TERF2: variants seen among roughly 807,000 people sequenced by gnomAD.
The protein encoded by TERF2 is telomeric repeat binding factor 2.
TERF2 carries 16 observed loss-of-function variants against 56.1 expected under a neutral mutation model. That is an observed-to-expected ratio of 0.29 (90% CI 0.19 to 0.43). The LOEUF is 0.43. Among genes scored for constraint, TERF2 ranks in the 20% least tolerant of loss-of-function variants. The pLI, the probability that TERF2 is intolerant of heterozygous loss-of-function variation, is 1.00. For missense variants in TERF2, 547 were observed against 712.9 expected, an observed-to-expected ratio of 0.77 and a Z score of 2.65; for synonymous variants, 296 against 282.1, an observed-to-expected ratio of 1.05 and a Z score of -0.50.
chr16:69,383,498 C>T lies in TERF2; in HGVS notation c.606+1082G>A, dbSNP rs2014078565. Among the ~76,000 whole-genome samples, 6 of 152,320 alleles carry T rather than the reference C, an allele frequency of 3.9e-5. No individual in the cohort carries two copies. The South Asian group carries it at 1.2e-3, about 32-fold the overall frequency. ...TTCTCCTCCCTTGATAATGTCTATT[C>T]TGGCATATGCCTCCCCTCAACCTAA... On this transcript the variant is annotated intron_variant, in intron 3 of 9. Transcript: ENST00000254942.
chr16:69,385,315 C>T (rs976768966), intron 2 of TERF2, 76 bp downstream of exon 2: 2 of 1,276,024 alleles, frequency 1.6e-6, no homozygotes, highest in African/African-American at 2.9e-5. Context: ...ACCTGGAATC[C>T]TTCAGTTCTA....
At chr16:69,371,014 C>T (rs1022577352) in intron 4 of TERF2, among the ~76,000 whole-genome samples, 1 of 151,154 alleles carries the variant, frequency 6.6e-6, no homozygotes, top group Non-Finnish European at 1.5e-5. Context: ...CACACACACA[C>T]ACACAATTTG....
At chr16:69,361,304 A>T in intron 8 of TERF2, 100 bp downstream of exon 8, 1 of 838,636 alleles carries the variant, frequency 1.2e-6, no homozygotes, top group Non-Finnish European at 2.0e-6. Flanking sequence ...AACTTTTTCT[A>T]GTTCGGAGAC....
chr16:69,368,895 C>T (rs1177863246), intron 5 of TERF2, among the ~76,000 whole-genome samples: 2 of 152,034 alleles, frequency 1.3e-5, no homozygotes, highest in Non-Finnish European at 2.9e-5. Flanking sequence ...AGGCTGGCCT[C>T]GAACTCCTGA....
Position 69,383,722 on chromosome 16 carries a change from G to A in TERF2, c.606+858C>T, listed in dbSNP as rs74673989. Among the ~76,000 whole-genome samples the A allele has an allele frequency of 4.5e-3, 692 of 152,352 alleles. 3 individuals are homozygous for A. The highest frequency in any genetic ancestry group is 0.016 in the African/African-American group (678 of 41,582). On this transcript the variant is annotated intron_variant, in intron 3 of 9. Coordinates refer to ENST00000254942, the MANE Select transcript of TERF2 (RefSeq NM_005652.5). ...GTACAATGTACACAGCCAAGAGACA[G>A]GTTTTCCTTGTGAAGCAAGGTTTTT... is the stretch of plus-strand genomic sequence containing the variant.
rs781726008 is a variant in TERF2 at position 69,385,536 on chromosome 16, G to C, written c.380-50C>G. 4.3e-6 allele frequency: 7 copies of C among 1,609,756 alleles called. No homozygotes were observed. In the Admixed American group the frequency reaches 1.2e-4, roughly 27 times the overall value. ...GGGCGACCCCCAGTCCCGACTCCCG[G>C]TCCCCCGGACCCCCTTCCCCGGCGC... is the stretch of plus-strand genomic sequence containing the variant. On this transcript the variant is annotated intron_variant, in intron 1 of 9. Coordinates refer to ENST00000254942, the MANE Select transcript of TERF2 (RefSeq NM_005652.5).
At chr16:69,375,722 T>C (rs1222754377) in intron 3 of TERF2, among the ~76,000 whole-genome samples, 1 of 152,182 alleles carries the variant, frequency 6.6e-6, no homozygotes, top group East Asian at 1.9e-4. Context: ...AGTAGCAGGA[T>C]TATAGGCATG....
rs1217994289 is a variant in TERF2 at position 69,366,841 on chromosome 16, G to T, written c.1306C>A (p.Leu436Ile). 1 of 1,613,822 alleles carries T rather than the reference G, an allele frequency of 6.2e-7. No individual in the cohort carries two copies. The highest frequency in any genetic ancestry group is 1.7e-5 in the Admixed American group (1 of 60,000). Residue 436 changes from leucine to isoleucine, a missense_variant, in exon 7 of 10, where the codon CTC (leucine) becomes ATC (isoleucine). Leu to Ile is a conservative substitution (Grantham distance 5). Transcript: ENST00000254942. ...TTCTCTCCAGGGAGGGGTTGGTTGAGAACGGTGGGCTTGGATGGTGGCGCT... is the reference window on the plus strand; with the variant it reads ...TTCTCTCCAGGGAGGGGTTGGTTGATAACGGTGGGCTTGGATGGTGGCGCT... ...ASAPPSKPTVLNQPLPGEKNP... is the reference protein window; with the variant it reads ...ASAPPSKPTVINQPLPGEKNP...
intron 7 of TERF2, 133 bp from the exon 8 acceptor site, chr16:69,361,622 T>C (rs565611830): frequency 8.5e-5 from 58 of 682,906 alleles, no homozygotes; most frequent in African/African-American, 8.3e-4. Context: ...TTCGCCTGCA[T>C]GCACCTCCCA....
At chr16:69,379,585 T>C (rs984745472) in intron 3 of TERF2, among the ~76,000 whole-genome samples, 8 of 152,260 alleles carry the variant, frequency 5.3e-5, no homozygotes, top group African/African-American at 1.9e-4. Flanking sequence ...GATTCTTTTA[T>C]ATTCTTCTTA....
intron 8 of TERF2, among the ~76,000 whole-genome samples, chr16:69,358,249 A>G (rs1355223681): frequency 1.3e-5 from 2 of 152,036 alleles, no homozygotes; most frequent in African/African-American, 4.8e-5. Flanking sequence ...TCCCGACCTC[A>G]TGATCCGCCC....
chr16:69,374,307 T>C (rs1220696201), intron 3 of TERF2, among the ~76,000 whole-genome samples: 1 of 152,128 alleles, frequency 6.6e-6, no homozygotes, highest in Non-Finnish European at 1.5e-5. Flanking sequence ...TCCAAAACCC[T>C]GCCTTGGCTG....
Position 69,385,884 on chromosome 16 carries a change from C to G in TERF2, c.88G>C (p.Gly30Arg). ...PAASQPRKRP[G>R]REGGEGARRS... ...CGCGCGCCCTCCCCGCCCTCCCGGC[C>G]GGGCCGCTTCCTCGGCTGTGACGCC... Residue 30 changes from glycine to arginine, a missense_variant, in exon 1 of 10, where the codon GGC becomes CGC. Around this residue, in one of 6 missense-constraint regions of TERF2, gnomAD observed 85 missense variants for 59.5 expected, o/e 1.43. Coordinates refer to ENST00000254942, the MANE Select transcript of TERF2 (RefSeq NM_005652.5). The G allele has an allele frequency of 2.2e-6, 3 of 1,372,458 alleles. No homozygotes were observed. Among genetic ancestry groups the G allele is most frequent in the Middle Eastern group, 5.4e-4 (2 of 3,706 alleles). 85.0% of individuals were successfully genotyped at this position (1,372,458 alleles called of 1,614,324 possible).
At chr16:69,361,545 C>T in intron 7 of TERF2, 56 bp from the exon 8 acceptor site, 1 of 1,270,938 alleles carries the variant, frequency 7.9e-7, no homozygotes, top group Non-Finnish European at 1.2e-6. Context: ...TGGATTGTCC[C>T]AGATTCTGGT....
chr16:69,370,490 A>C lies in TERF2; in HGVS notation c.833T>G (p.Leu278Arg). The change falls in exon 5 of 10, where the codon CTC becomes CGC. Residue 278 changes from leucine (L) to arginine (R), a missense_variant. This residue lies in a region of TERF2 where 97 missense variants were observed against 157.0 expected (regional missense o/e 0.62). Transcript: ENST00000254942. ...ESHLDDAEPYLLTMAKKALKS... is the reference protein window; with the variant it reads ...ESHLDDAEPYRLTMAKKALKS... ...AGAAGGGCCAAGGCGCACCGTGAGG[A>C]GGTAGGGCTCGGCGTCATCCAGGTG... 6.2e-7 allele frequency: 1 copy of C among 1,614,152 alleles called. No individual in the cohort carries two copies. Among genetic ancestry groups the C allele is most frequent in the South Asian group, 1.1e-5 (1 of 91,074 alleles).
intron 3 of TERF2, among the ~76,000 whole-genome samples, chr16:69,380,524 G>C (rs1388357470): frequency 1.3e-5 from 2 of 151,440 alleles, no homozygotes; most frequent in African/African-American, 2.4e-5. Context: ...CAGGGGTGGT[G>C]GTGGGCGCCT....
Position 69,385,941 on chromosome 16 carries a change from C to A in TERF2, c.31G>T (p.Ala11Ser). Residue 11 changes from alanine (A) to serine (S), a missense_variant, in exon 1 of 10, where the codon GCT (alanine) becomes TCT (serine). Physicochemically the swap from Ala to Ser is moderately conservative, Grantham distance 99. Transcript: ENST00000254942. ...TCACGCACGACGCCCGGGCCGGAAG[C>A]GGGGCCCGCCGTCCCGGCTCCCGCG... MAAGAGTAGP[A>S]SGPGVVRDPA... The A allele has an allele frequency of 7.3e-7, 1 of 1,363,002 alleles. No individual in the cohort carries two copies. The highest frequency in any genetic ancestry group is 9.5e-7 in the Non-Finnish European group (1 of 1,057,528). 84.4% of individuals were successfully genotyped at this position (1,363,002 alleles called of 1,614,324 possible).
chr16:69,361,141 G>A (rs139158746), intron 8 of TERF2, among the ~76,000 whole-genome samples: 2,944 of 151,934 alleles, frequency 0.019, 92 homozygotes, highest in African/African-American at 0.067. Context: ...GCTGAGGCAG[G>A]AGGATCACTT....
intron 4 of TERF2, 145 bp from the exon 5 acceptor site, chr16:69,370,774 C>G (rs745986554): frequency 1.3e-6 from 1 of 782,612 alleles, no homozygotes; most frequent in Non-Finnish European, 2.0e-6. Context: ...GGAAGCCCAA[C>G]ACAAAGGATT....
Sources: allele counts gnomAD v4.1 joint callset (sites outside exome capture counted in the v4.1 genomes callset), GRCh38; gene constraint gnomAD v4.1.1; regional missense constraint gnomAD v4.1.1; transcripts MANE v1.5; gene names NCBI Gene and HGNC (gene_info 2026-07-23, HGNC 2026-07-21).